Variants in SWT1 observed in about 807,000 individuals in gnomAD.
The protein encoded by SWT1 is transcriptional protein SWT1.
In SWT1, 33 loss-of-function variants were observed where a neutral mutation model predicts 107.3. The observed-to-expected ratio is 0.31, with a 90% CI of 0.23 to 0.41. The LOEUF is 0.41. SWT1 is among the 10% of genes least tolerant of loss of function. SWT1 has a pLI of 1.00. For missense variants in SWT1, 898 were observed against 1,028.9 expected (o/e 0.87, Z 1.74); for synonymous variants, 345 against 348.3 (o/e 0.99, Z 0.11).
At chr1:185,271,110 AAT>A (rs1663825607) in intron 16 of SWT1, among the ~76,000 whole-genome samples, 1 of 152,248 alleles carries the variant, frequency 6.6e-6, no homozygotes, top group Non-Finnish European at 1.5e-5. Context: ...CATGAATTTA[AAT>A]AAGCAAAAAC....
intron 4 of SWT1, chr1:185,171,537 C>G (rs1311609545): frequency 2.5e-6 from 1 of 398,144 alleles, no homozygotes; most frequent in Non-Finnish European, 4.9e-6. Flanking sequence ...CACAACCCCT[C>G]CAATGACATT....
chr1:185,171,145 G>A (rs1421807854), intron 4 of SWT1, among the ~76,000 whole-genome samples: 1 of 142,538 alleles, frequency 7.0e-6, no homozygotes, highest in African/African-American at 2.6e-5. Flanking sequence ...CATTAGAATT[G>A]AAATTTTCAA....
intron 16 of SWT1, among the ~76,000 whole-genome samples, chr1:185,242,907 T>TA (rs1267094440): frequency 1.3e-5 from 2 of 152,114 alleles, no homozygotes; most frequent in Non-Finnish European, 2.9e-5. Context: ...TAAACACCAG[T>TA]AAAAGAAATG....
At chr1:185,268,411 G>A (rs1031854546) in intron 16 of SWT1, among the ~76,000 whole-genome samples, 24 of 152,124 alleles carry the variant, frequency 1.6e-4, no homozygotes, top group Admixed American at 4.6e-4. Context: ...ATGGCCAGAC[G>A]GACAAGAATG....
intron 7 of SWT1, among the ~76,000 whole-genome samples, chr1:185,182,668 CAA>C (rs59326029): frequency 0.052 from 3,479 of 67,000 alleles, 41 homozygotes; most frequent in African/African-American, 0.1. Flanking sequence ...CTCTCTCTCT[CAA>C]AAAAAAAAAA....
At chr1:185,181,387 G>C (rs550538434) in intron 6 of SWT1, among the ~76,000 whole-genome samples, 2 of 152,322 alleles carry the variant, frequency 1.3e-5, no homozygotes, top group African/African-American at 4.8e-5. Context: ...CTGATCTAAA[G>C]CTAGACTGTA....
intron 16 of SWT1, among the ~76,000 whole-genome samples, chr1:185,234,128 G>A (rs1284112345): frequency 6.6e-6 from 1 of 152,164 alleles, no homozygotes; most frequent in Non-Finnish European, 1.5e-5. Flanking sequence ...ATGTCTGTTA[G>A]GTCTGCCTGG....
At chr1:185,258,282 A>T (rs1456831295) in intron 16 of SWT1, among the ~76,000 whole-genome samples, 1 of 152,126 alleles carries the variant, frequency 6.6e-6, no homozygotes. Context: ...CCATCCTCTC[A>T]TCTTTCCTCT....
At chr1:185,220,897 C>T (rs982525251) in intron 14 of SWT1, among the ~76,000 whole-genome samples, 23 of 152,316 alleles carry the variant, frequency 1.5e-4, no homozygotes, top group African/African-American at 4.1e-4. Flanking sequence ...TGTGGAACAT[C>T]AAATAGTATT....
intron 17 of SWT1, 65 bp downstream of exon 17, chr1:185,271,454 CAG>C (rs976253448): frequency 2.4e-6 from 2 of 839,282 alleles, no homozygotes; most frequent in African/African-American, 1.7e-5. Context: ...TGTAAATAAA[CAG>C]AGTAGGAGTT....
At chr1:185,253,018 AG>A (rs1183672301) in intron 16 of SWT1, among the ~76,000 whole-genome samples, 2 of 139,758 alleles carry the variant, frequency 1.4e-5, no homozygotes, top group Non-Finnish European at 3.1e-5. Context: ...CAGTTTTCCC[AG>A]CACCATTTAT....
At chr1:185,210,539 A>G (rs1462203575) in intron 13 of SWT1, among the ~76,000 whole-genome samples, 1 of 152,156 alleles carries the variant, frequency 6.6e-6, no homozygotes, top group Non-Finnish European at 1.5e-5. Flanking sequence ...ACGTATCTCA[A>G]AATAAATAAA....
chr1:185,175,259 G>T, intron 5 of SWT1, 146 bp downstream of exon 5: 1 of 712,046 alleles, frequency 1.4e-6, no homozygotes, highest in Non-Finnish European at 2.0e-6. Context: ...GTCTCACTCC[G>T]TTGCCCAAGC....
intron 9 of SWT1, among the ~76,000 whole-genome samples, chr1:185,185,533 T>G (rs1656395745): frequency 6.6e-6 from 1 of 152,160 alleles, no homozygotes. Context: ...AGTTTATACA[T>G]ATATATTTAG....
intron 13 of SWT1, among the ~76,000 whole-genome samples, chr1:185,211,934 T>C (rs1192790047): frequency 1.3e-5 from 2 of 152,148 alleles, no homozygotes; most frequent in Non-Finnish European, 2.9e-5. Context: ...GAAACCATCA[T>C]TCTCAGCAAA....
At chr1:185,174,305 C>T in intron 4 of SWT1, 67 bp from the exon 5 acceptor site, 1 of 1,278,944 alleles carries the variant, frequency 7.8e-7, no homozygotes, top group Non-Finnish European at 1.0e-6. Context: ...GTTATTCTAA[C>T]TAAAATGATA....
intron 13 of SWT1, among the ~76,000 whole-genome samples, chr1:185,211,242 C>G (rs1658778579): frequency 2.6e-5 from 4 of 152,104 alleles, no homozygotes. Flanking sequence ...CAAGACAATC[C>G]TAAGCAAAAT....
In SWT1 at chr1:185,184,958, C is replaced by T. The variant is rs778092358; in HGVS notation, c.1429+27C>T. 3.6e-6 allele frequency: 5 copies of T among 1,394,530 alleles called. 1 individual carries two copies. In the Admixed American group the frequency reaches 1.3e-4, roughly 37 times the overall value. The allele number at this position is 1,394,530 out of a possible 1,614,324, so 86.4% of individuals were successfully genotyped here. On this transcript the variant is annotated intron_variant, in intron 9 of 18. Coordinates refer to ENST00000367500, the MANE Select transcript of SWT1 (RefSeq NM_017673.7). ...TAAGTATTGTTCTCTCAGAGTGCCT[C>T]CTGATTAATACTTGTTTGGGTGCAG... is the stretch of plus-strand genomic sequence containing the variant.
At chr1:185,191,982 A>G (rs1412915170) in intron 10 of SWT1, among the ~76,000 whole-genome samples, 1 of 151,958 alleles carries the variant, frequency 6.6e-6, no homozygotes, top group Non-Finnish European at 1.5e-5. Flanking sequence ...GTTTGTATGC[A>G]TTTTCTTTAA....
Sources: allele counts gnomAD v4.1 joint callset (sites outside exome capture counted in the v4.1 genomes callset), GRCh38; gene constraint gnomAD v4.1.1; transcripts MANE v1.5; gene names NCBI Gene and HGNC (gene_info 2026-07-23, HGNC 2026-07-21).